Variants in CACNG3 observed in about 807,000 individuals in gnomAD.
CACNG3 encodes voltage-dependent calcium channel gamma-3 subunit.
CACNG3 carries 3 observed loss-of-function variants against 28.5 expected under a neutral mutation model. That is an observed-to-expected ratio of 0.11 (90% CI 0.05 to 0.27). CACNG3 has a LOEUF of 0.27. Among genes scored for constraint, CACNG3 ranks in the 10% least tolerant of loss-of-function variants. CACNG3 has a pLI of 1.00. For missense variants in CACNG3, 236 were observed against 414.4 expected (o/e 0.57, Z 3.74); for synonymous variants, 174 against 162.2 (o/e 1.07, Z -0.55).
At chr16:24,270,670 T>A (rs967405105) in intron 1 of CACNG3, among the ~76,000 whole-genome samples, 2 of 152,216 alleles carry the variant, frequency 1.3e-5, no homozygotes, top group Non-Finnish European at 2.9e-5. Flanking sequence ...ATTTTCCAGT[T>A]AGAATCCCTG....
chr16:24,334,423 TG>T (rs1240683018), intron 1 of CACNG3, among the ~76,000 whole-genome samples: 22 of 152,308 alleles, frequency 1.4e-4, no homozygotes, highest in African/African-American at 4.6e-4. Flanking sequence ...TCTGAAGTGA[TG>T]TCTCTCTGTT....
In CACNG3 at chr16:24,290,033, G is replaced by A. The variant is rs536817084; in HGVS notation, c.211+33068G>A. 2.0e-5 allele frequency among the ~76,000 whole-genome samples: 3 copies of A among 152,332 alleles called. No individual in the cohort carries two copies. The South Asian group carries it at 6.2e-4, about 32-fold the overall frequency. ...TTGCGCCCTAGCAGGGCAGGCATAA[G>A]GTTAAGACAAAGACCATCATAGACA... On this transcript the variant is annotated intron_variant, in intron 1 of 3. Transcript: ENST00000005284.
intron 1 of CACNG3, among the ~76,000 whole-genome samples, chr16:24,275,675 A>G (rs937736533): frequency 6.6e-6 from 1 of 152,214 alleles, no homozygotes; most frequent in African/African-American, 2.4e-5. Context: ...AAAGAAAGCA[A>G]CTGACAGTAT....
rs185726507 is a variant in CACNG3, at chr16:24,285,704, T to A, written c.211+28739T>A. ...AAAGTGTAAAATAAGTAATTATATA[T>A]CTAATTGAAGATAATATGTATATAT... is the stretch of plus-strand genomic sequence containing the variant. On this transcript the variant is annotated intron_variant, in intron 1 of 3. Coordinates refer to ENST00000005284, the MANE Select transcript of CACNG3 (RefSeq NM_006539.4). Among the ~76,000 whole-genome samples, 44 of 151,950 alleles carry A rather than the reference T, an allele frequency of 2.9e-4. 1 individual carries two copies. In the East Asian group the frequency reaches 7.1e-3, roughly 25 times the overall value.
intron 1 of CACNG3, among the ~76,000 whole-genome samples, chr16:24,293,873 T>C (rs1178261485): frequency 1.3e-5 from 2 of 152,110 alleles, no homozygotes; most frequent in African/African-American, 4.8e-5. Context: ...ACCCTGCATC[T>C]GGTTTCGGGA....
At chr16:24,324,391 C>T (rs1899508193) in intron 1 of CACNG3, among the ~76,000 whole-genome samples, 1 of 152,116 alleles carries the variant, frequency 6.6e-6, no homozygotes, top group Non-Finnish European at 1.5e-5. Context: ...CTCCTAGTAC[C>T]ACTACTTACC....
At chr16:24,311,178 A>T (rs1331342385) in intron 1 of CACNG3, among the ~76,000 whole-genome samples, 1 of 152,232 alleles carries the variant, frequency 6.6e-6, no homozygotes, top group Non-Finnish European at 1.5e-5. Flanking sequence ...GACAGTGTTA[A>T]TATCCCATGG....
intron 1 of CACNG3, among the ~76,000 whole-genome samples, chr16:24,309,128 C>A (rs553644823): frequency 6.6e-6 from 1 of 152,016 alleles, no homozygotes; most frequent in Non-Finnish European, 1.5e-5. Context: ...AACCATTGTT[C>A]GATTATCTCT....
At chr16:24,273,990 C>T (rs1898721008) in intron 1 of CACNG3, among the ~76,000 whole-genome samples, 1 of 152,008 alleles carries the variant, frequency 6.6e-6, no homozygotes. Flanking sequence ...TCAACCTCAC[C>T]AGCTTGGCCA....
chr16:24,265,792 T>G (rs915701691), intron 1 of CACNG3, among the ~76,000 whole-genome samples: 2 of 152,266 alleles, frequency 1.3e-5, no homozygotes, highest in Admixed American at 1.3e-4. Flanking sequence ...AAACTTGTTT[T>G]ATTTCTTGTC....
chr16:24,271,709 G>A (rs1252898853), intron 1 of CACNG3, among the ~76,000 whole-genome samples: 1 of 152,180 alleles, frequency 6.6e-6, no homozygotes, highest in Non-Finnish European at 1.5e-5. Flanking sequence ...CATGGTTCCT[G>A]TCTTTGGTAA....
intron 1 of CACNG3, among the ~76,000 whole-genome samples, chr16:24,326,562 G>A (rs949823481): frequency 6.6e-6 from 1 of 152,074 alleles, no homozygotes; most frequent in Non-Finnish European, 1.5e-5. Flanking sequence ...AACCAATCAC[G>A]CCAATCAAGG....
At chr16:24,301,728 A>C (rs1034687575) in intron 1 of CACNG3, among the ~76,000 whole-genome samples, 2 of 152,186 alleles carry the variant, frequency 1.3e-5, no homozygotes, top group African/African-American at 4.8e-5. Context: ...AGGCCTCCAA[A>C]TAAAAACCAT....
chr16:24,332,196 C>T (rs202102213), intron 1 of CACNG3, among the ~76,000 whole-genome samples: 3 of 152,170 alleles, frequency 2.0e-5, no homozygotes, highest in East Asian at 3.8e-4. Context: ...GGTGCAATGG[C>T]TCATGCCTAT....
intron 1 of CACNG3, among the ~76,000 whole-genome samples, chr16:24,304,104 G>A (rs1212671528): frequency 2.0e-5 from 3 of 152,092 alleles, no homozygotes; most frequent in Non-Finnish European, 4.4e-5. Flanking sequence ...TTTATCTATC[G>A]GCAGGACTGG....
chr16:24,308,932 T>C (rs1303465379), intron 1 of CACNG3, among the ~76,000 whole-genome samples: 2 of 132,704 alleles, frequency 1.5e-5, no homozygotes, highest in African/African-American at 5.7e-5. Flanking sequence ...AATTTAAAAA[T>C]ATTTACTATG....
intron 1 of CACNG3, among the ~76,000 whole-genome samples, chr16:24,277,588 G>A (rs764524651): frequency 5.9e-5 from 9 of 151,938 alleles, no homozygotes; most frequent in East Asian, 3.9e-4. Flanking sequence ...CAGGCTGGCC[G>A]AAATGGTGAA....
At chr16:24,317,622 GAAA>G (rs1567217506) in intron 1 of CACNG3, among the ~76,000 whole-genome samples, 23 of 57,940 alleles carry the variant, frequency 4.0e-4, no homozygotes, top group South Asian at 1.1e-3. Flanking sequence ...AAGAAAGAAA[GAAA>G]GACAGACAGA....
At chr16:24,335,049 T>C (rs182090587) in intron 1 of CACNG3, among the ~76,000 whole-genome samples, 11 of 152,276 alleles carry the variant, frequency 7.2e-5, no homozygotes, top group Non-Finnish European at 1.5e-4. Context: ...GTTAGTGCTA[T>C]TTAGAGGATT....
Sources: allele counts gnomAD v4.1 joint callset (sites outside exome capture counted in the v4.1 genomes callset), GRCh38; gene constraint gnomAD v4.1.1; transcripts MANE v1.5; gene names NCBI Gene and HGNC (gene_info 2026-07-23, HGNC 2026-07-21).